RASL11B: variants seen among roughly 807,000 people sequenced by gnomAD.
RASL11B encodes RAS like family 11 member B.
In RASL11B, 14 loss-of-function variants were observed where a neutral mutation model predicts 22.9. The observed-to-expected ratio is 0.61, with a 90% confidence interval of 0.40 to 0.96. The LOEUF (loss-of-function observed/expected upper bound fraction) is 0.96, where lower values mean the gene tolerates loss of function less well. Ranked by LOEUF, RASL11B falls within the 40% of genes least tolerant of loss-of-function variation. RASL11B has a pLI of 0.00. For missense variants in RASL11B, 261 were observed against 322.0 expected, an observed-to-expected ratio of 0.81 and a Z score of 1.45; for synonymous variants, 143 against 130.2, an observed-to-expected ratio of 1.10 and a Z score of -0.67.
At chr4:52,865,169 T>A (rs1718233726) in intron 3 of RASL11B, among the ~76,000 whole-genome samples, 166 bp from the exon 4 acceptor site, 1 of 152,244 alleles carries the variant, frequency 6.6e-6, no homozygotes, top group Non-Finnish European at 1.5e-5. Context: ...TCTGTGCAGC[T>A]GGATCAACAT....
chr4:52,863,801 A>G (rs1403111222), intron 2 of RASL11B, among the ~76,000 whole-genome samples: 1 of 152,220 alleles, frequency 6.6e-6, no homozygotes, highest in African/African-American at 2.4e-5. Context: ...ACTGGATGGT[A>G]GAATTTTAGG....
intron 1 of RASL11B, among the ~76,000 whole-genome samples, 186 bp downstream of exon 1, chr4:52,862,835 G>T (rs1718185015): frequency 6.6e-6 from 1 of 152,242 alleles, no homozygotes; most frequent in Non-Finnish European, 1.5e-5. Flanking sequence ...CCACAGACGG[G>T]GGAAACAAGG....
chr4:52,865,086 C>T (rs1280778354), intron 3 of RASL11B, among the ~76,000 whole-genome samples: 4 of 152,212 alleles, frequency 2.6e-5, no homozygotes, highest in East Asian at 3.8e-4. Context: ...ACTACAAAGT[C>T]GCTCTGCATG....
chr4:52,865,782 G>C lies in RASL11B; in HGVS notation c.724G>C (p.Val242Leu), dbSNP rs780239500. 1.2e-6 allele frequency: 2 copies of C among 1,613,686 alleles called. No individual in the cohort carries two copies. The highest frequency in any genetic ancestry group is 1.3e-5 in the African/African-American group (1 of 74,928). Reference protein sequence around the residue: ...RRFKQALSAKVRTVTSV With the variant: ...RRFKQALSAKLRTVTSV The stretch of plus-strand genomic sequence containing the variant: ...GTTTAAGCAAGCCCTCTCTGCCAAA[G>C]TGAGGACTGTCACCTCCGTCTGAAG... Residue 242 changes from valine (V) to leucine (L), a missense_variant, in exon 4 of 4, where the codon GTG (valine) becomes CTG (leucine). By Grantham distance (32) the Val-to-Leu change is conservative. Coordinates refer to ENST00000248706, the MANE Select transcript of RASL11B (RefSeq NM_023940.3).
Position 52,863,262 on chromosome 4 carries a change from G to T in RASL11B, c.143-6G>T, listed in dbSNP as rs62336792. 17 of 1,612,674 alleles carry T rather than the reference G, an allele frequency of 1.1e-5. No homozygotes were observed. The highest frequency in any genetic ancestry group is 1.6e-4 in the Middle Eastern group (1 of 6,082). The stretch of plus-strand genomic sequence containing the variant: ...ACACTTTGACGTTCTTTTTTCTGAC[G>T]TGCAGCACTGGTGGTCCGGTTCCTC... On this transcript the variant is annotated splice_region_variant and splice_polypyrimidine_tract_variant and intron_variant, in intron 1 of 3. Coordinates refer to ENST00000248706, the MANE Select transcript of RASL11B (RefSeq NM_023940.3).
chr4:52,863,512 A>G (rs1182357889), intron 2 of RASL11B, 188 bp downstream of exon 2: 8 of 603,192 alleles, frequency 1.3e-5, no homozygotes, highest in Non-Finnish European at 2.1e-5. Flanking sequence ...GCCTCATTCC[A>G]TTCCAAGCCC....
intron 1 of RASL11B, 25 bp from the exon 2 acceptor site, chr4:52,863,243 T>G: frequency 6.2e-7 from 1 of 1,609,000 alleles, no homozygotes; most frequent in South Asian, 1.1e-5. Context: ...GTTAACACTT[T>G]GACGTTCTTT....
chr4:52,866,208 T>C lies in RASL11B; in HGVS notation c.*403T>C, dbSNP rs907416246. 7.7e-5 allele frequency: 13 copies of C among 169,478 alleles called. No individual in the cohort carries two copies. The highest frequency in any genetic ancestry group is 7.6e-4 in the Admixed American group (13 of 17,010). 10.5% of individuals were successfully genotyped at this position (169,478 alleles called of 1,614,324 possible). A position where few individuals can be genotyped will look rare whatever the true frequency, so the allele number is the denominator to read the frequency against. ...ATTGATAGGCTTTCTTTTTTCCCCCTTTTTTCTTTTTTCTCTTTTCTTCTT... is the reference window on the plus strand; with the variant it reads ...ATTGATAGGCTTTCTTTTTTCCCCCCTTTTTCTTTTTTCTCTTTTCTTCTT... On this transcript the variant is annotated 3_prime_UTR_variant, in exon 4 of 4. Transcript: ENST00000248706.
intron 2 of RASL11B, 86 bp from the exon 3 acceptor site, chr4:52,864,392 T>G (rs1189928188): frequency 1.2e-6 from 1 of 826,024 alleles, no homozygotes; most frequent in Non-Finnish European, 2.1e-6. Flanking sequence ...TTATGCATTG[T>G]GCATTTTTTT....
At position 52,864,487 on chromosome 4, in the gene RASL11B, A is replaced by G. The variant is rs1308622364; in HGVS notation, c.209A>G (p.Tyr70Cys). Residue 70 changes from tyrosine (Y) to cysteine (C), a missense_variant, in exon 3 of 4, where the codon TAT (tyrosine) becomes TGT (cysteine). Physicochemically the swap from Tyr to Cys is radical, Grantham distance 194 (BLOSUM62 -2). Coordinates refer to ENST00000248706, the MANE Select transcript of RASL11B (RefSeq NM_023940.3). ...GDYERNAGNL[Y>C]TRQVQIEGET... ...TTATTTGCCTTCATAGGTAATCTCT[A>G]TACTAGACAAGTTCAGATAGAAGGT... The G allele has an allele frequency of 6.3e-7, 1 of 1,596,246 alleles. No individual in the cohort carries two copies. The highest frequency in any genetic ancestry group is 8.6e-7 in the Non-Finnish European group (1 of 1,163,732).
intron 2 of RASL11B, 199 bp downstream of exon 2, chr4:52,863,523 A>G (rs1718202361): frequency 1.7e-6 from 1 of 595,300 alleles, no homozygotes; most frequent in South Asian, 2.0e-5. Flanking sequence ...TTCCAAGCCC[A>G]TTCATCATTT....
rs1321078692 is a variant in RASL11B at position 52,862,399 on chromosome 4, A to G, written c.-109A>G. The G allele has an allele frequency of 8.2e-6, 5 of 609,850 alleles. No individual in the cohort carries two copies. The highest frequency in any genetic ancestry group is 1.2e-5 in the Non-Finnish European group (5 of 429,830). 37.8% of individuals were successfully genotyped at this position (609,850 alleles called of 1,614,324 possible). ...GTACCTGCACTTATTTATTGTTGTT[A>G]TTTCTTACCGCGGAGCCCCGCAGTC... On this transcript the variant is annotated 5_prime_UTR_variant, in exon 1 of 4. Transcript: ENST00000248706.
chr4:52,863,646 TA>T (rs368078680), intron 2 of RASL11B: 13,834 of 193,202 alleles, frequency 0.072, no homozygotes, highest in Middle Eastern at 0.13. Flanking sequence ...GCAAAAGTCG[TA>T]AAAAAAAAAA....
intron 2 of RASL11B, among the ~76,000 whole-genome samples, chr4:52,863,849 A>C (rs949500355): frequency 3.8e-4 from 58 of 152,328 alleles, no homozygotes; most frequent in African/African-American, 1.3e-3. Flanking sequence ...CACATTTTTC[A>C]ATCCTTATGA....
In RASL11B at chr4:52,863,482, C is replaced by G. The variant is rs73250915; in HGVS notation, c.199+158C>G. On this transcript the variant is annotated intron_variant, in intron 2 of 3. Coordinates refer to ENST00000248706, the MANE Select transcript of RASL11B (RefSeq NM_023940.3). ...AGTCCCCAGCCCTCCATGGCGCCCCCCTCCCATAACTACCATCTGGCCTCA... is the reference window on the plus strand; with the variant it reads ...AGTCCCCAGCCCTCCATGGCGCCCCGCTCCCATAACTACCATCTGGCCTCA... 2,863 of 643,430 alleles carry G rather than the reference C, an allele frequency of 4.4e-3. 15 individuals are homozygous for G. Among genetic ancestry groups the G allele is most frequent in the Admixed American group, 6.7e-3 (287 of 42,998 alleles). The allele number at this position is 643,430 out of a possible 1,614,324, so 39.9% of individuals were successfully genotyped here.
Position 52,862,603 on chromosome 4 carries a change from C to G in RASL11B, c.96C>G (p.Arg32=), listed in dbSNP as rs146325072. 2.5e-6 allele frequency: 4 copies of G among 1,597,988 alleles called. No individual in the cohort carries two copies. The highest frequency in any genetic ancestry group is 3.4e-6 in the Non-Finnish European group (4 of 1,176,200). Residue 32 remains arginine (R), a synonymous_variant, in exon 1 of 4, where the codon CGC becomes CGG. Coordinates refer to ENST00000248706, the MANE Select transcript of RASL11B (RefSeq NM_023940.3). ...SDCCVGAAGR[R]LVKIAVVGAS... ...GCTGTGTGGGCGCCGCCGGCCGCCGCCTGGTCAAGATCGCCGTGGTGGGCG... is the reference window on the plus strand; with the variant it reads ...GCTGTGTGGGCGCCGCCGGCCGCCGGCTGGTCAAGATCGCCGTGGTGGGCG...
At chr4:52,863,951 G>A (rs1206694702) in intron 2 of RASL11B, among the ~76,000 whole-genome samples, 2 of 152,162 alleles carry the variant, frequency 1.3e-5, no homozygotes, top group South Asian at 4.1e-4. Flanking sequence ...GTACCTATAG[G>A]GGATTATTTG....
rs772431164 is a variant in RASL11B at position 52,865,556 on chromosome 4, T to C, written c.498T>C (p.Leu166=). The C allele has an allele frequency of 1.2e-6, 2 of 1,614,176 alleles. No individual in the cohort carries two copies. The highest frequency in any genetic ancestry group is 4.5e-5 in the East Asian group (2 of 44,890). ...ACATCAAACAGGTTGACCCTCAGCT[T>C]GGACTGCAGCTAGCCAGCATGCTAG... ...LLHIKQVDPQ[L]GLQLASMLGC... is the part of the protein sequence containing the mutation. Residue 166 remains leucine (L), a synonymous_variant, in exon 4 of 4, where the codon CTT becomes CTC. Transcript: ENST00000248706.
intron 2 of RASL11B, 137 bp downstream of exon 2, chr4:52,863,461 C>T: frequency 1.4e-6 from 1 of 696,564 alleles, no homozygotes; most frequent in Middle Eastern, 3.7e-4. Flanking sequence ...TTCCCCAGTC[C>T]CCAGCCCTCC....
Sources: gnomAD v4.1 joint callset for allele counts (sites outside exome capture counted in the v4.1 genomes callset) on GRCh38, gnomAD v4.1.1 for gene constraint, MANE v1.5 for transcripts, NCBI Gene and HGNC (gene_info 2026-07-23, HGNC 2026-07-21) for gene names.